Variants in TBL3 observed in about 807,000 individuals in gnomAD.
TBL3 encodes the protein transducin beta like 3.
Under a neutral mutation model 102.7 loss-of-function variants are expected in TBL3, and 71 were observed. The ratio of observed to expected loss-of-function variants is 0.69; its 90% CI spans 0.57 to 0.84. The LOEUF is 0.84. Among genes scored for constraint, TBL3 ranks in the 40% least tolerant of loss-of-function variants. The pLI is 0.00. For missense variants in TBL3, 1,188 were observed against 1,098.5 expected (o/e 1.08, Z -1.15); for synonymous variants, 578 against 477.7 (o/e 1.21, Z -2.74).
chr16:1,979,044 C>A lies in TBL3; in HGVS notation c.*359C>A. ...GCGCGGTCCATCCCCTCATCGGGATCCTCGCGCTCACTGCTCCGTCGTGGG... is the reference window on the plus strand; with the variant it reads ...GCGCGGTCCATCCCCTCATCGGGATACTCGCGCTCACTGCTCCGTCGTGGG... On this transcript the variant is annotated 3_prime_UTR_variant, in exon 22 of 22. Transcript: ENST00000568546. 1 of 1,543,300 alleles carries A rather than the reference C, an allele frequency of 6.5e-7. No individual in the cohort carries two copies.
In TBL3 at chr16:1,976,913, C is replaced by G. The variant is rs548645258; in HGVS notation, c.1392C>G (p.Asn464Lys). ...ALLSKNTAPD[N>K]GPILLQAQTT... ...TGTCCAAGAACACAGCCCCAGACAA[C>G]GGCCCTATCCTCCTGCAGGCCCAGA... is the stretch of plus-strand genomic sequence containing the variant. The change falls in exon 14 of 22, where the codon AAC (asparagine) becomes AAG (lysine). Residue 464 changes from asparagine to lysine, a missense_variant. By Grantham distance (94) the Asn-to-Lys change is moderately conservative. Transcript: ENST00000568546. 6.2e-7 allele frequency: 1 copy of G among 1,613,980 alleles called. No individual in the cohort carries two copies. Among genetic ancestry groups the G allele is most frequent in the Non-Finnish European group, 8.5e-7 (1 of 1,180,022 alleles).
rs367585703 is a variant in TBL3 at position 1,976,223 on chromosome 16, C to T, written c.1201C>T (p.Arg401Cys). ...FASCAKDQSVRIWRMNKAGQV... is the reference protein window; with the variant it reads ...FASCAKDQSVCIWRMNKAGQV... ...TCCCTGTCCCCAGGATCAGAGCGTC[C>T]GTATCTGGAGAATGAACAAGGCTGG... The change falls in exon 13 of 22, where the codon CGT becomes TGT. Residue 401 changes from arginine to cysteine, a missense_variant. Coordinates refer to ENST00000568546, the MANE Select transcript of TBL3 (RefSeq NM_006453.3). 4.3e-6 allele frequency: 7 copies of T among 1,614,170 alleles called. No homozygotes were observed. The highest frequency in any genetic ancestry group is 4.5e-5 in the East Asian group (2 of 44,886).
intron 10 of TBL3, 40 bp downstream of exon 10, chr16:1,975,750 C>G (rs757530910): frequency 3.4e-5 from 55 of 1,613,130 alleles, no homozygotes; most frequent in Non-Finnish European, 4.6e-5. Flanking sequence ...GCTGCGGGCA[C>G]CAGCCCTCCT....
At position 1,974,241 on chromosome 16, in the gene TBL3, A is replaced by G. The variant is rs778557708; in HGVS notation, c.138A>G (p.Arg46=). 6.2e-7 allele frequency: 1 copy of G among 1,604,166 alleles called. No homozygotes were observed. The highest frequency in any genetic ancestry group is 8.5e-7 in the Non-Finnish European group (1 of 1,174,448). The change falls in exon 3 of 22, where the codon AGA becomes AGG. Residue 46 remains arginine (R), a synonymous_variant. Transcript: ENST00000568546. ...ACCTCTTCTGCGTCTGTGGCACCAG[A>G]GTCAACATTCTGGAAGTGGCCTCGG... ...GQHLFCVCGT[R]VNILEVASGA...
rs1000429083 is a variant in TBL3, at chr16:1,975,255, T to C, written c.704T>C (p.Val235Ala). 10 of 1,613,658 alleles carry C rather than the reference T, an allele frequency of 6.2e-6. No individual in the cohort carries two copies. Among genetic ancestry groups the C allele is most frequent in the Non-Finnish European group, 8.5e-6 (10 of 1,179,946 alleles). Residue 235 changes from valine to alanine, a missense_variant, in exon 8 of 22, where the codon GTG becomes GCG. Val to Ala is a moderately conservative substitution (Grantham distance 64). Coordinates refer to ENST00000568546, the MANE Select transcript of TBL3 (RefSeq NM_006453.3). Reference sequence around the variant, plus strand: ...TGCCAGGCCACGAGGACCGTGCCTGTGTTTGAGGTGGGGATGCCTGGAGGC... The same window carrying C: ...TGCCAGGCCACGAGGACCGTGCCTGCGTTTGAGGTGGGGATGCCTGGAGGC... ...QSCQATRTVP[V>A]FESVEAAVLL... is the part of the protein sequence containing the mutation.
Position 1,980,767 on chromosome 16 carries a change from C to T in TBL3, c.*2082C>T, listed in dbSNP as rs759196205. ...GAACCAGGGCATTGGTCTTCCAGAG[C>T]CCACTGTGCACCCTTGAGAGGGCGG... On this transcript the variant is annotated 3_prime_UTR_variant, in exon 22 of 22. Coordinates refer to ENST00000568546, the MANE Select transcript of TBL3 (RefSeq NM_006453.3). 1 of 1,564,526 alleles carries T rather than the reference C, an allele frequency of 6.4e-7. No homozygotes were observed. Among genetic ancestry groups the T allele is most frequent in the Non-Finnish European group, 8.7e-7 (1 of 1,150,260 alleles).
Position 1,975,450 on chromosome 16 carries a change from C to T in TBL3, c.805+12C>T, listed in dbSNP as rs374796211. The T allele has an allele frequency of 6.8e-6, 11 of 1,612,660 alleles. No individual in the cohort carries two copies. The highest frequency in any genetic ancestry group is 4.5e-5 in the East Asian group (2 of 44,884). ...AGCTGGCGACCAAGGTGTGTTGGGC[C>T]GGGACATGGGCAGGCGGTAGGGGCT... On this transcript the variant is annotated intron_variant, in intron 9 of 21. Coordinates refer to ENST00000568546, the MANE Select transcript of TBL3 (RefSeq NM_006453.3).
Position 1,980,879 on chromosome 16 carries a change from G to T in TBL3, c.*2194G>T, listed in dbSNP as rs369073249. 6.6e-7 allele frequency: 1 copy of T among 1,514,754 alleles called. No individual in the cohort carries two copies. Among genetic ancestry groups the T allele is most frequent in the Non-Finnish European group, 9.1e-7 (1 of 1,099,808 alleles). The allele number at this position is 1,514,754 out of a possible 1,614,324, so 93.8% of individuals were successfully genotyped here. A position where few individuals can be genotyped will look rare whatever the true frequency, so the allele number is the denominator to read the frequency against. On this transcript the variant is annotated 3_prime_UTR_variant, in exon 22 of 22. Transcript: ENST00000568546. ...AGTCACTGATGGGAGGCAGTCCAGTGGGAGGCAGCCGCGTGGGGAAGCCGC... is the reference window on the plus strand; with the variant it reads ...AGTCACTGATGGGAGGCAGTCCAGTTGGAGGCAGCCGCGTGGGGAAGCCGC...
Position 1,977,538 on chromosome 16 carries a change from C to G in TBL3, c.1767C>G (p.Leu589=), listed in dbSNP as rs758526769. The change falls in exon 17 of 22, where the codon CTC becomes CTG. Residue 589 remains leucine (L), a synonymous_variant. Coordinates refer to ENST00000568546, the MANE Select transcript of TBL3 (RefSeq NM_006453.3). ...LSSGSDGLVK[L]WTIKNNECVR... ...GCGGTTCGGATGGCCTCGTGAAGCT[C>G]TGGACCATCAAGAACAACGAGTGTG... The G allele has an allele frequency of 2.5e-6, 4 of 1,603,734 alleles. No individual in the cohort carries two copies. The highest frequency in any genetic ancestry group is 3.4e-6 in the Non-Finnish European group (4 of 1,175,126).
chr16:1,972,156 G>A lies in TBL3; in HGVS notation c.-9G>A. On this transcript the variant is annotated 5_prime_UTR_variant, in exon 1 of 22. Coordinates refer to ENST00000568546, the MANE Select transcript of TBL3 (RefSeq NM_006453.3). Reference sequence around the variant, plus strand: ...AGCAGGTTTCAGCTGGAGCGGCGGCGGCGGCAACATGGCAGAGACCGCGGC... The same window carrying A: ...AGCAGGTTTCAGCTGGAGCGGCGGCAGCGGCAACATGGCAGAGACCGCGGC... The A allele has an allele frequency of 2.0e-6, 3 of 1,467,122 alleles. No homozygotes were observed. Among genetic ancestry groups the A allele is most frequent in the Non-Finnish European group, 2.7e-6 (3 of 1,107,334 alleles). 90.9% of individuals were successfully genotyped at this position (1,467,122 alleles called of 1,614,324 possible).
Position 1,979,186 on chromosome 16 carries a change from T to C in TBL3, c.*501T>C. 7.0e-7 allele frequency: 1 copy of C among 1,434,750 alleles called. No homozygotes were observed. Among genetic ancestry groups the C allele is most frequent in the Non-Finnish European group, 9.1e-7 (1 of 1,096,328 alleles). 88.9% of individuals were successfully genotyped at this position (1,434,750 alleles called of 1,614,324 possible). ...TGGATGGCGCCCGGCGAAGGTCGGGTGGGCACGGTGGGGGGAGGGGCGGTG... is the reference window on the plus strand; with the variant it reads ...TGGATGGCGCCCGGCGAAGGTCGGGCGGGCACGGTGGGGGGAGGGGCGGTG... On this transcript the variant is annotated 3_prime_UTR_variant, in exon 22 of 22. Transcript: ENST00000568546.
chr16:1,976,239 A>G lies in TBL3; in HGVS notation c.1217A>G (p.Asn406Ser). 2 of 1,614,192 alleles carry G rather than the reference A, an allele frequency of 1.2e-6. No individual in the cohort carries two copies. Among genetic ancestry groups the G allele is most frequent in the South Asian group, 2.2e-5 (2 of 91,090 alleles). Residue 406 changes from asparagine (N) to serine (S), a missense_variant, in exon 13 of 22, where the codon AAC (asparagine) becomes AGC (serine). By Grantham distance (46) the Asn-to-Ser change is conservative. Coordinates refer to ENST00000568546, the MANE Select transcript of TBL3 (RefSeq NM_006453.3). ...KDQSVRIWRM[N>S]KAGQVMCVAQ... is the part of the protein sequence containing the mutation. Reference sequence around the variant, plus strand: ...CAGAGCGTCCGTATCTGGAGAATGAACAAGGCTGGCCAGGTGATGTGCGTG... The same window carrying G: ...CAGAGCGTCCGTATCTGGAGAATGAGCAAGGCTGGCCAGGTGATGTGCGTG...
Position 1,975,358 on chromosome 16 carries a change from C to A in TBL3, c.725C>A (p.Ala242Asp). 6.2e-7 allele frequency: 1 copy of A among 1,614,030 alleles called. No individual in the cohort carries two copies. Among genetic ancestry groups the A allele is most frequent in the Non-Finnish European group, 8.5e-7 (1 of 1,180,014 alleles). Residue 242 changes from alanine to aspartate, a missense_variant, in exon 9 of 22, where the codon GCT becomes GAT. Coordinates refer to ENST00000568546, the MANE Select transcript of TBL3 (RefSeq NM_006453.3). ...TVPVFESVEA[A>D]VLLPEEPVSQ... is the part of the protein sequence containing the mutation. ...ATTCGTCTCCAGAGCGTGGAGGCTG[C>A]TGTGCTGTTGCCAGAGGAGCCAGTG...
rs1471441150 is a variant in TBL3, at chr16:1,981,358, C to A, written c.*2673C>A. The A allele has an allele frequency of 2.1e-6, 3 of 1,416,700 alleles. No individual in the cohort carries two copies. In the Admixed American group the frequency reaches 8.5e-5, roughly 40 times the overall value. The allele number at this position is 1,416,700 out of a possible 1,614,324, so 87.8% of individuals were successfully genotyped here. ...GAGTCCTTTGCAGCTTTCTTGCTGT[C>A]CCCCAAGCCCACGATCTGGGGGCAG... On this transcript the variant is annotated 3_prime_UTR_variant, in exon 22 of 22. Transcript: ENST00000568546.
Position 1,979,065 on chromosome 16 carries a change from G to C in TBL3, c.*380G>C. On this transcript the variant is annotated 3_prime_UTR_variant, in exon 22 of 22. Coordinates refer to ENST00000568546, the MANE Select transcript of TBL3 (RefSeq NM_006453.3). ...GGATCCTCGCGCTCACTGCTCCGTC[G>C]TGGGGTGCGGCACAGAGTCCACGCA... is the stretch of plus-strand genomic sequence containing the variant. 2 of 1,544,250 alleles carry C rather than the reference G, an allele frequency of 1.3e-6. No homozygotes were observed. The highest frequency in any genetic ancestry group is 1.7e-6 in the Non-Finnish European group (2 of 1,155,950).
Position 1,980,715 on chromosome 16 carries a change from G to T in TBL3, c.*2030G>T, listed in dbSNP as rs778890957. The stretch of plus-strand genomic sequence containing the variant: ...CAGCAGGCCCGCCTCCACCGGGAAG[G>T]TCTCCTTGAGGGTCTTCTGAGGGCG... On this transcript the variant is annotated 3_prime_UTR_variant, in exon 22 of 22. Transcript: ENST00000568546. 68 of 1,604,326 alleles carry T rather than the reference G, an allele frequency of 4.2e-5. No individual in the cohort carries two copies. Among genetic ancestry groups the T allele is most frequent in the Non-Finnish European group, 5.4e-5 (63 of 1,175,856 alleles).
In TBL3 at chr16:1,975,336, C is replaced by G. The variant is rs201960826; in HGVS notation, c.712-9C>G. On this transcript the variant is annotated splice_polypyrimidine_tract_variant and intron_variant, in intron 8 of 21. Coordinates refer to ENST00000568546, the MANE Select transcript of TBL3 (RefSeq NM_006453.3). ...CATGATAGCAGCCTGTGACCCAATT[C>G]GTCTCCAGAGCGTGGAGGCTGCTGT... 6.2e-7 allele frequency: 1 copy of G among 1,614,026 alleles called. No individual in the cohort carries two copies. Among genetic ancestry groups the G allele is most frequent in the South Asian group, 1.1e-5 (1 of 91,088 alleles).
At chr16:1,975,995 C>T (rs2051026952) in intron 11 of TBL3, 46 bp downstream of exon 11, 3 of 1,614,074 alleles carry the variant, frequency 1.9e-6, no homozygotes, top group Non-Finnish European at 2.5e-6. Flanking sequence ...CGCCTCGGTC[C>T]CTTGCTTGCT....
In TBL3 at chr16:1,974,693, G is replaced by A. The variant is rs376186775; in HGVS notation, c.379+14G>A. 1.7e-5 allele frequency: 28 copies of A among 1,610,864 alleles called. No homozygotes were observed. Among genetic ancestry groups the A allele is most frequent in the African/African-American group, 1.1e-4 (8 of 74,908 alleles). Reference sequence around the variant, plus strand: ...TGCTAGCCACAGGTAGGGCCCTGCCGTGCAGGTGGGTCGTGGGCACAGATG... The same window carrying A: ...TGCTAGCCACAGGTAGGGCCCTGCCATGCAGGTGGGTCGTGGGCACAGATG... On this transcript the variant is annotated intron_variant, in intron 5 of 21. Transcript: ENST00000568546.
Sources: gnomAD v4.1 joint callset for allele counts on GRCh38, gnomAD v4.1.1 for gene constraint, MANE v1.5 for transcripts, NCBI Gene and HGNC (gene_info 2026-07-23, HGNC 2026-07-21) for gene names.